Variants in SLC38A4 observed in about 807,000 individuals in gnomAD.
SLC38A4 encodes solute carrier family 38 member 4.
A neutral mutation model predicts 63.1 loss-of-function variants in SLC38A4; 20 were observed. The ratio of observed to expected loss-of-function variants is 0.32; its 90% CI spans 0.22 to 0.46. The LOEUF is 0.46. Among genes scored for constraint, SLC38A4 ranks in the 20% least tolerant of loss-of-function variants. The probability of loss-of-function intolerance (pLI) is 1.00; values close to 1 mark genes in which losing one functional copy is unlikely to be tolerated. For missense variants in SLC38A4, 526 were observed against 663.6 expected, an observed-to-expected ratio of 0.79 and a Z score of 2.28; for synonymous variants, 230 against 225.5, an observed-to-expected ratio of 1.02 and a Z score of -0.18.
Position 46,779,681 on chromosome 12 carries a change from A to G in SLC38A4, c.659-12T>C. The G allele has an allele frequency of 6.2e-7, 1 of 1,602,348 alleles. No homozygotes were observed. The highest frequency in any genetic ancestry group is 1.1e-5 in the South Asian group (1 of 88,232). ...ATAGCCAAGATAACCTAGAAGTTAGAAGAAGCATTTTGGAAGGTGAATATG... is the reference window on the plus strand; with the variant it reads ...ATAGCCAAGATAACCTAGAAGTTAGGAGAAGCATTTTGGAAGGTGAATATG... On this transcript the variant is annotated splice_polypyrimidine_tract_variant and intron_variant, in intron 9 of 16. Transcript: ENST00000266579.
intron 7 of SLC38A4, among the ~76,000 whole-genome samples, chr12:46,781,570 A>T (rs983011117): frequency 1.3e-5 from 2 of 152,066 alleles, no homozygotes; most frequent in African/African-American, 4.8e-5. Context: ...GAGAAAATTA[A>T]GTGTTCTAAA....
intron 2 of SLC38A4, among the ~76,000 whole-genome samples, chr12:46,799,848 A>G (rs572631355): frequency 6.6e-6 from 1 of 152,284 alleles, no homozygotes; most frequent in Admixed American, 6.5e-5. Flanking sequence ...ATCAGAAACT[A>G]TGGAAGACAC....
chr12:46,775,971 A>G (rs1356347852), intron 13 of SLC38A4, among the ~76,000 whole-genome samples: 1 of 151,956 alleles, frequency 6.6e-6, no homozygotes, highest in Non-Finnish European at 1.5e-5. Context: ...GCAAAAAGTT[A>G]ATGCCCAATC....
intron 3 of SLC38A4, among the ~76,000 whole-genome samples, chr12:46,789,574 T>C (rs1268485754): frequency 2.6e-5 from 4 of 152,172 alleles, no homozygotes; most frequent in Non-Finnish European, 5.9e-5. Context: ...CAGCCACATT[T>C]CCAAGAGGCT....
At chr12:46,794,804 A>AC (rs1938965898) in intron 2 of SLC38A4, among the ~76,000 whole-genome samples, 7 of 151,966 alleles carry the variant, frequency 4.6e-5, no homozygotes, top group Admixed American at 3.9e-4. Flanking sequence ...AATGGCAGAG[A>AC]ATTGTCTAGA....
At chr12:46,822,291 A>G (rs1396145064) in intron 1 of SLC38A4, among the ~76,000 whole-genome samples, 1 of 152,162 alleles carries the variant, frequency 6.6e-6, no homozygotes, top group Non-Finnish European at 1.5e-5. Flanking sequence ...ACCAAAAATA[A>G]AATCTGTGCC....
chr12:46,776,797 T>C (rs1034618006), intron 13 of SLC38A4, 107 bp downstream of exon 13: 51 of 872,526 alleles, frequency 5.8e-5, no homozygotes, highest in Non-Finnish European at 9.1e-5. Context: ...ATGTGTCATC[T>C]ATAGAGCATG....
upstream of SLC38A4, among the ~76,000 whole-genome samples, chr12:46,830,440 C>A (rs2120945605): frequency 6.6e-6 from 1 of 152,164 alleles, no homozygotes; most frequent in East Asian, 1.9e-4. Flanking sequence ...TTCTCCCACC[C>A]CCTGCTAGGC....
chr12:46,766,367 C>G lies in SLC38A4; in HGVS notation c.*334G>C, dbSNP rs1231121959. 1 of 469,474 alleles carries G rather than the reference C, an allele frequency of 2.1e-6. No individual in the cohort carries two copies. Among genetic ancestry groups the G allele is most frequent in the Admixed American group, 2.3e-5 (1 of 42,910 alleles). 29.1% of individuals were successfully genotyped at this position (469,474 alleles called of 1,614,324 possible). A position where few individuals can be genotyped will look rare whatever the true frequency, so the allele number is the denominator to read the frequency against. On this transcript the variant is annotated 3_prime_UTR_variant, in exon 17 of 17. Transcript: ENST00000266579. ...TAGGGGGTGCAGGATGAGGAGACGG[C>G]AGGGGAAAGAGTACTATCTGATGAT...
chr12:46,790,871 T>C (rs1440885258), intron 3 of SLC38A4, among the ~76,000 whole-genome samples: 1 of 151,518 alleles, frequency 6.6e-6, no homozygotes, highest in Non-Finnish European at 1.5e-5. Context: ...AATTTACATT[T>C]AAGGGTTCAA....
chr12:46,792,097 G>A (rs1938902663), intron 3 of SLC38A4, among the ~76,000 whole-genome samples: 1 of 152,108 alleles, frequency 6.6e-6, no homozygotes, highest in South Asian at 2.1e-4. Flanking sequence ...GATTCAATTT[G>A]CAATTGTAAG....
At chr12:46,796,148 A>G (rs1409911165) in intron 2 of SLC38A4, among the ~76,000 whole-genome samples, 1 of 152,130 alleles carries the variant, frequency 6.6e-6, no homozygotes, top group Non-Finnish European at 1.5e-5. Flanking sequence ...CCAAAATAAC[A>G]AATTTCACCT....
intron 1 of SLC38A4, among the ~76,000 whole-genome samples, chr12:46,819,225 GAGACTTAAA>G (rs1481254014): frequency 6.6e-6 from 1 of 151,624 alleles, no homozygotes. Context: ...AGGACTGAAA[GAGACTTAAA>G]AGACTTATCA....
chr12:46,784,736 C>A, intron 6 of SLC38A4, 102 bp from the exon 7 acceptor site: 1 of 859,720 alleles, frequency 1.2e-6, no homozygotes. Context: ...TGTAAATAAA[C>A]ATCATATAGA....
At position 46,788,021 on chromosome 12, in the gene SLC38A4, G is replaced by T. The variant is rs1488588116; in HGVS notation, c.221C>A (p.Thr74Asn). 6.2e-7 allele frequency: 1 copy of T among 1,613,204 alleles called. No homozygotes were observed. The highest frequency in any genetic ancestry group is 1.7e-5 in the Admixed American group (1 of 59,964). The change falls in exon 5 of 17, where the codon ACC becomes AAC. Residue 74 changes from threonine (T) to asparagine (N), a missense_variant. By Grantham distance (65) the Thr-to-Asn change is moderately conservative (BLOSUM62 0). Coordinates refer to ENST00000266579, the MANE Select transcript of SLC38A4 (RefSeq NM_018018.5). ...AAATGAAGACATTCCAAAGGAAGTG[G>T]TTCCGGGATGCTTGAAAAAGAAGGG... ...ADYADEHHPG[T>N]TSFGMSSFNL...
intron 6 of SLC38A4, among the ~76,000 whole-genome samples, chr12:46,784,873 A>G (rs1345894924): frequency 6.6e-6 from 1 of 152,114 alleles, no homozygotes; most frequent in African/African-American, 2.4e-5. Context: ...TATTTCTATC[A>G]TATATCAGAA....
intron 13 of SLC38A4, among the ~76,000 whole-genome samples, chr12:46,775,424 GT>G (rs1206677916): frequency 1.3e-5 from 2 of 152,012 alleles, no homozygotes; most frequent in Non-Finnish European, 2.9e-5. Context: ...CATTTACATT[GT>G]GATAAATCTA....
chr12:46,783,276 A>ATAGATAG (rs1565667057), intron 7 of SLC38A4, among the ~76,000 whole-genome samples: 1 of 130,066 alleles, frequency 7.7e-6, no homozygotes. Context: ...TAGATAGATA[A>ATAGATAG]AGATAGATAG....
intron 1 of SLC38A4, among the ~76,000 whole-genome samples, chr12:46,810,830 C>A (rs1939325146): frequency 6.6e-6 from 1 of 152,024 alleles, no homozygotes; most frequent in Non-Finnish European, 1.5e-5. Flanking sequence ...GCATTAGCCA[C>A]TAGCTAAATC....
Sources: gnomAD v4.1 joint callset for allele counts (sites outside exome capture counted in the v4.1 genomes callset) on GRCh38, gnomAD v4.1.1 for gene constraint, MANE v1.5 for transcripts, NCBI Gene and HGNC (gene_info 2026-07-23, HGNC 2026-07-21) for gene names.